Variants in CNBD1 observed in about 807,000 individuals in gnomAD.
CNBD1 encodes cyclic nucleotide-binding domain-containing protein 1.
Under a neutral mutation model 54.4 loss-of-function variants are expected in CNBD1, and 71 were observed. The observed-to-expected ratio is 1.30, with a 90% confidence interval of 1.08 to 1.59. The LOEUF (loss-of-function observed/expected upper bound fraction) is 1.59, where lower values mean the gene tolerates loss of function less well. Ranked by LOEUF, CNBD1 falls within the 40% of genes most tolerant of loss-of-function variation. The probability of loss-of-function intolerance (pLI) is 0.00; values close to 1 mark genes in which losing one functional copy is unlikely to be tolerated. For missense variants in CNBD1, 659 were observed against 518.0 expected (o/e 1.27, Z -2.64); for synonymous variants, 182 against 170.7 (o/e 1.07, Z -0.51).
At chr8:87,317,437 T>C (rs561401119) in intron 8 of CNBD1, among the ~76,000 whole-genome samples, 1 of 151,902 alleles carries the variant, frequency 6.6e-6, no homozygotes, top group East Asian at 1.9e-4. Context: ...CCTTGGCCCA[T>C]GGTTTACTTG....
chr8:87,010,096 G>A (rs1241593257), intron 4 of CNBD1, among the ~76,000 whole-genome samples: 1 of 151,928 alleles, frequency 6.6e-6, no homozygotes, highest in African/African-American at 2.4e-5. Context: ...CCCAAAATTT[G>A]TTGTTTCTTG....
chr8:87,265,032 T>C (rs1242135552), intron 6 of CNBD1, among the ~76,000 whole-genome samples: 1 of 152,172 alleles, frequency 6.6e-6, no homozygotes, highest in Admixed American at 6.5e-5. Context: ...ATTTTGGCTT[T>C]TGTTGCCATT....
intron 1 of CNBD1, among the ~76,000 whole-genome samples, chr8:86,870,609 G>A (rs911267461): frequency 2.6e-5 from 4 of 152,062 alleles, no homozygotes; most frequent in East Asian, 1.9e-4. Context: ...GTTCAAAGGC[G>A]TTTTCTATAA....
At chr8:87,411,397 C>CATATATACATATATATATATATATAT (rs1554588016) in intron 2 of CNBD1, among the ~76,000 whole-genome samples, 108 of 92,386 alleles carry the variant, frequency 1.2e-3, no homozygotes, top group Middle Eastern at 6.3e-3. Flanking sequence ...CTAGCTATAT[C>CATATATACATATATATATATATATAT]ATATATATAT....
intron 2 of CNBD1, among the ~76,000 whole-genome samples, chr8:87,421,556 G>A (rs889460030): frequency 6.6e-6 from 1 of 151,680 alleles, no homozygotes. Context: ...ATAGTTTACT[G>A]AGAATGATGA....
At chr8:87,060,237 A>T (rs34453117) in intron 4 of CNBD1, among the ~76,000 whole-genome samples, 5,695 of 152,144 alleles carry the variant, frequency 0.037, 124 homozygotes, top group Middle Eastern at 0.054. Flanking sequence ...CCGTGCCTGA[A>T]CTCTTGATCT....
At chr8:87,091,139 CAAAAA>C (rs751329879) in intron 4 of CNBD1, among the ~76,000 whole-genome samples, 1 of 74,064 alleles carries the variant, frequency 1.4e-5, no homozygotes, top group Non-Finnish European at 2.7e-5. Context: ...GACTCTGTCT[CAAAAA>C]AAAAAAAAAA....
At chr8:87,052,123 G>A (rs1810323509) in intron 4 of CNBD1, among the ~76,000 whole-genome samples, 1 of 152,192 alleles carries the variant, frequency 6.6e-6, no homozygotes, top group Non-Finnish European at 1.5e-5. Context: ...TTATAGGCCT[G>A]TAAAGCAAGC....
intron 4 of CNBD1, among the ~76,000 whole-genome samples, chr8:86,997,954 TTCTG>T (rs1808912821): frequency 2.6e-5 from 4 of 152,174 alleles, no homozygotes; most frequent in Admixed American, 2.6e-4. Flanking sequence ...TTAAACACAT[TTCTG>T]TCCTTTAAGT....
chr8:87,105,767 T>C (rs749665801), intron 4 of CNBD1, among the ~76,000 whole-genome samples: 5 of 152,160 alleles, frequency 3.3e-5, no homozygotes, highest in Non-Finnish European at 7.3e-5. Context: ...CTTGGACTTA[T>C]TTTAGTTGTC....
At chr8:87,151,233 A>G (rs1258230617) in intron 4 of CNBD1, among the ~76,000 whole-genome samples, 1 of 152,144 alleles carries the variant, frequency 6.6e-6, no homozygotes, top group African/African-American at 2.4e-5. Context: ...CTTTGACCCA[A>G]TTTAGATGGG....
At chr8:87,200,188 T>G (rs944299283) in intron 4 of CNBD1, among the ~76,000 whole-genome samples, 1 of 152,110 alleles carries the variant, frequency 6.6e-6, no homozygotes, top group Non-Finnish European at 1.5e-5. Context: ...CAGAGAATAT[T>G]TAAAGCAAGA....
chr8:87,234,298 A>C (rs1807527862), intron 5 of CNBD1, among the ~76,000 whole-genome samples: 1 of 152,190 alleles, frequency 6.6e-6, no homozygotes, highest in African/African-American at 2.4e-5. Flanking sequence ...ATCTAGAATA[A>C]TGAATCTTTT....
At chr8:87,307,697 C>T (rs2130887915) in intron 8 of CNBD1, among the ~76,000 whole-genome samples, 1 of 149,622 alleles carries the variant, frequency 6.7e-6, no homozygotes, top group South Asian at 2.1e-4. Flanking sequence ...AAGATTGTGC[C>T]ATTGCATTCC....
At chr8:87,301,796 TA>T (rs1292046687) in intron 8 of CNBD1, among the ~76,000 whole-genome samples, 4 of 152,006 alleles carry the variant, frequency 2.6e-5, no homozygotes, top group Non-Finnish European at 4.4e-5. Flanking sequence ...TAAAAAATGA[TA>T]AAGGGGATAT....
chr8:86,931,298 G>T (rs1009870441), intron 3 of CNBD1, among the ~76,000 whole-genome samples: 1 of 152,134 alleles, frequency 6.6e-6, no homozygotes. Flanking sequence ...CTTACCTGGG[G>T]CTCAGTGAGG....
chr8:87,267,859 A>G (rs879400181), intron 6 of CNBD1, among the ~76,000 whole-genome samples: 5 of 152,224 alleles, frequency 3.3e-5, no homozygotes, highest in Admixed American at 2.0e-4. Flanking sequence ...TAATCTCTTT[A>G]ATGAATATGG....
intron 2 of CNBD1, among the ~76,000 whole-genome samples, chr8:87,389,674 G>T (rs967540730): frequency 1.3e-5 from 2 of 152,104 alleles, no homozygotes; most frequent in African/African-American, 2.4e-5. Flanking sequence ...TGGCCATACT[G>T]CCCAAGGTAA....
At chr8:87,233,657 G>T (rs1807512330) in intron 5 of CNBD1, among the ~76,000 whole-genome samples, 1 of 151,978 alleles carries the variant, frequency 6.6e-6, no homozygotes, top group African/African-American at 2.4e-5. Flanking sequence ...TCCTTTTAGA[G>T]ATAGTCTTGT....
Sources: allele counts gnomAD v4.1 joint callset (sites outside exome capture counted in the v4.1 genomes callset), GRCh38; gene constraint gnomAD v4.1.1; transcripts MANE v1.5; gene names NCBI Gene and HGNC (gene_info 2026-07-23, HGNC 2026-07-21).